Variants in KCNIP4 observed in about 807,000 individuals in gnomAD.
The protein encoded by KCNIP4 is potassium voltage-gated channel interacting protein 4.
Under a neutral mutation model 34.0 loss-of-function variants are expected in KCNIP4, and 12 were observed. The observed-to-expected ratio is 0.35, with a 90% CI of 0.23 to 0.57. The LOEUF (loss-of-function observed/expected upper bound fraction) is 0.57. Ranked by LOEUF, KCNIP4 falls within the 20% of genes least tolerant of loss-of-function variation. The pLI is 0.83. For missense variants in KCNIP4, 238 were observed against 311.7 expected (o/e 0.76, Z 1.78); for synonymous variants, 124 against 102.2 (o/e 1.21, Z -1.29).
intron 1 of KCNIP4, among the ~76,000 whole-genome samples, chr4:21,315,899 G>C (rs886472123): frequency 1.3e-5 from 2 of 152,124 alleles, no homozygotes; most frequent in Non-Finnish European, 2.9e-5. Flanking sequence ...CGAAGTCATG[G>C]CAAGGCATTC....
At chr4:21,839,613 C>T (rs1723554526) in intron 1 of KCNIP4, among the ~76,000 whole-genome samples, 1 of 152,028 alleles carries the variant, frequency 6.6e-6, no homozygotes. Context: ...ATTAGCCAAG[C>T]ATAGTGGCAC....
chr4:21,542,184 G>T lies in KCNIP4; in HGVS notation c.61+406387C>A, dbSNP rs371418077. ...TAGGGTAGGAATGGCTTCCACAGAT[G>T]TGTCTACCACCCAATGTGCCAACTC... On this transcript the variant is annotated intron_variant, in intron 1 of 8. Coordinates refer to ENST00000382152, the MANE Select transcript of KCNIP4 (RefSeq NM_025221.6). Among the ~76,000 whole-genome samples, 255 of 152,016 alleles carry T rather than the reference G, an allele frequency of 1.7e-3. 11 individuals carry two copies. The South Asian group carries it at 0.046, about 28-fold the overall frequency.
intron 1 of KCNIP4, among the ~76,000 whole-genome samples, chr4:21,358,777 A>G (rs1560325531): frequency 6.6e-6 from 1 of 152,092 alleles, no homozygotes; most frequent in Non-Finnish European, 1.5e-5. Context: ...AGATAAATGC[A>G]TATCTGATTG....
At chr4:20,966,975 C>T (rs901286473) in intron 1 of KCNIP4, among the ~76,000 whole-genome samples, 4 of 152,080 alleles carry the variant, frequency 2.6e-5, no homozygotes, top group Admixed American at 1.3e-4. Context: ...TGGTGATTTG[C>T]ACAGGACCAC....
chr4:21,758,827 T>C (rs1717845512), intron 1 of KCNIP4, among the ~76,000 whole-genome samples: 1 of 152,128 alleles, frequency 6.6e-6, no homozygotes. Context: ...TAGAGAAATA[T>C]CCTGGTTAAA....
chr4:20,873,767 C>T (rs1723723793), intron 2 of KCNIP4, among the ~76,000 whole-genome samples: 1 of 152,188 alleles, frequency 6.6e-6, no homozygotes, highest in Admixed American at 6.6e-5. Context: ...ATCCCCATTG[C>T]CTCTCTGCAG....
intron 1 of KCNIP4, among the ~76,000 whole-genome samples, chr4:21,072,020 A>C (rs1463593224): frequency 2.0e-5 from 3 of 152,048 alleles, no homozygotes; most frequent in East Asian, 3.9e-4. Context: ...TATGTGCCAC[A>C]TTTTCTTAAT....
At chr4:21,441,623 C>A (rs985619078) in intron 1 of KCNIP4, among the ~76,000 whole-genome samples, 1 of 152,154 alleles carries the variant, frequency 6.6e-6, no homozygotes, top group Non-Finnish European at 1.5e-5. Context: ...GGGAAAAAAT[C>A]AAGAACTACT....
At chr4:21,496,534 C>A (rs1577464166) in intron 1 of KCNIP4, among the ~76,000 whole-genome samples, 1 of 152,170 alleles carries the variant, frequency 6.6e-6, no homozygotes, top group East Asian at 1.9e-4. Context: ...CTTGACTGAT[C>A]CAACGTGACT....
At chr4:21,927,865 T>C (rs546031867) in intron 1 of KCNIP4, among the ~76,000 whole-genome samples, 158 of 151,954 alleles carry the variant, frequency 1.0e-3, no homozygotes, top group Non-Finnish European at 1.9e-3. Context: ...GTCCCTGTAT[T>C]TGTGGAATGA....
chr4:21,243,151 T>C (rs1400945085), intron 1 of KCNIP4, among the ~76,000 whole-genome samples: 1 of 152,116 alleles, frequency 6.6e-6, no homozygotes, highest in Non-Finnish European at 1.5e-5. Flanking sequence ...GTAGCTGATA[T>C]TTCTCTCAGG....
chr4:20,752,099 C>T (rs12647754), intron 4 of KCNIP4, among the ~76,000 whole-genome samples: 1 of 149,404 alleles, frequency 6.7e-6, no homozygotes, highest in African/African-American at 2.5e-5. Flanking sequence ...GCTCTTGTCC[C>T]CCAGGCTGGA....
intron 1 of KCNIP4, among the ~76,000 whole-genome samples, chr4:21,177,171 T>G (rs1577835851): frequency 6.6e-6 from 1 of 152,236 alleles, no homozygotes; most frequent in African/African-American, 2.4e-5. Context: ...CTGCATTGTG[T>G]AGGGATTTCA....
intron 1 of KCNIP4, among the ~76,000 whole-genome samples, chr4:21,217,443 G>A (rs1442853479): frequency 3.3e-5 from 5 of 152,086 alleles, no homozygotes; most frequent in Non-Finnish European, 7.4e-5. Context: ...AGGTCAGAAA[G>A]CATTTGACCT....
intron 1 of KCNIP4, among the ~76,000 whole-genome samples, chr4:21,568,766 G>A (rs537488702): frequency 5.3e-5 from 8 of 152,040 alleles, no homozygotes; most frequent in Non-Finnish European, 8.8e-5. Flanking sequence ...GTTGGGATTC[G>A]GACTGGCTTC....
At chr4:20,859,743 C>T (rs984987446) in intron 2 of KCNIP4, among the ~76,000 whole-genome samples, 1 of 152,162 alleles carries the variant, frequency 6.6e-6, no homozygotes, top group African/African-American at 2.4e-5. Flanking sequence ...GCAAATTTGA[C>T]TCTAAGGGCA....
chr4:21,379,559 TTC>T (rs1401395577), intron 1 of KCNIP4, among the ~76,000 whole-genome samples: 2 of 152,178 alleles, frequency 1.3e-5, no homozygotes, highest in African/African-American at 2.4e-5. Context: ...GTAAATGAAA[TTC>T]TCTCTCTTTC....
rs1476458815 is a variant in KCNIP4, at chr4:21,124,695, C to G, written c.62-241986G>C. 2.0e-5 allele frequency among the ~76,000 whole-genome samples: 3 copies of G among 152,128 alleles called. 1 individual carries two copies. The South Asian group carries it at 6.2e-4, about 31-fold the overall frequency. The stretch of plus-strand genomic sequence containing the variant: ...GTGATATTTGAAGCTTAAAAAGGTA[C>G]AGACTCCTAGCAAAAAAGTCCAGGG... On this transcript the variant is annotated intron_variant, in intron 1 of 8. Transcript: ENST00000382152.
At chr4:21,016,037 A>G (rs1392376208) in intron 1 of KCNIP4, among the ~76,000 whole-genome samples, 1 of 147,364 alleles carries the variant, frequency 6.8e-6, no homozygotes, top group African/African-American at 2.5e-5. Flanking sequence ...ATCTAGAAAG[A>G]AAAAAAACAA....
Sources: gnomAD v4.1 joint callset for allele counts (sites outside exome capture counted in the v4.1 genomes callset) on GRCh38, gnomAD v4.1.1 for gene constraint, MANE v1.5 for transcripts, NCBI Gene and HGNC (gene_info 2026-07-23, HGNC 2026-07-21) for gene names.